TRMT9B: variants seen among roughly 807,000 people sequenced by gnomAD.
The protein encoded by TRMT9B is tRNA methyltransferase 9B (putative).
In TRMT9B, 16 loss-of-function variants were observed where a neutral mutation model predicts 11.5. The observed-to-expected ratio is 1.39, with a 90% confidence interval of 0.94 to 2.11. TRMT9B has a LOEUF of 2.11. Ranked by LOEUF, TRMT9B falls within the 30% of genes most tolerant of loss-of-function variation. The probability of loss-of-function intolerance (pLI) is 0.00; values close to 1 mark genes in which losing one functional copy is unlikely to be tolerated. For missense variants in TRMT9B, 941 were observed against 553.8 expected, an observed-to-expected ratio of 1.70 and a Z score of -7.02; for synonymous variants, 274 against 192.4, an observed-to-expected ratio of 1.42 and a Z score of -3.51.
intron 1 of TRMT9B, among the ~76,000 whole-genome samples, chr8:12,955,554 C>G (rs925361255): frequency 2.6e-5 from 4 of 152,134 alleles, no homozygotes; most frequent in African/African-American, 7.2e-5. Context: ...CAAGGTGCAG[C>G]CTATGAACTT....
intron 3 of TRMT9B, chr8:13,011,981 A>G (rs1811690780): frequency 1.0e-6 from 1 of 985,262 alleles, no homozygotes; most frequent in East Asian, 1.1e-4. Flanking sequence ...AGACAACAGG[A>G]GAATAAAAGC....
chr8:12,982,036 A>G (rs990412971), intron 1 of TRMT9B, among the ~76,000 whole-genome samples: 4 of 152,212 alleles, frequency 2.6e-5, no homozygotes, highest in African/African-American at 9.7e-5. Context: ...CTGTGAAATT[A>G]TGGTAATAGT....
In TRMT9B at chr8:13,025,895, A is replaced by C. The variant is rs1814631391; in HGVS notation, c.*3851A>C. 1 of 166,832 alleles carries C rather than the reference A, an allele frequency of 6.0e-6. No individual in the cohort carries two copies. The allele number at this position is 166,832 out of a possible 1,614,324, so 10.3% of individuals were successfully genotyped here. Reference sequence around the variant, plus strand: ...TCTTTTAAGTGACCATCAATTCAATAGGCAAAAATTTGGAGTAATCCAGAG... The same window carrying C: ...TCTTTTAAGTGACCATCAATTCAATCGGCAAAAATTTGGAGTAATCCAGAG... On this transcript the variant is annotated 3_prime_UTR_variant, in exon 5 of 5. Transcript: ENST00000524591.
In TRMT9B at chr8:13,022,236, A is replaced by G. The variant is rs1814081940; in HGVS notation, c.*192A>G. 1.9e-6 allele frequency: 1 copy of G among 527,274 alleles called. No homozygotes were observed. 32.7% of individuals were successfully genotyped at this position (527,274 alleles called of 1,614,324 possible). On this transcript the variant is annotated 3_prime_UTR_variant, in exon 5 of 5. Transcript: ENST00000524591. ...CAGATTCTGGCATTGAAAGCACTTG[A>G]CAAAGGGTATTTGTGCTTAAATGTT...
At chr8:13,004,871 A>G (rs1810142368) in intron 2 of TRMT9B, among the ~76,000 whole-genome samples, 1 of 152,006 alleles carries the variant, frequency 6.6e-6, no homozygotes, top group Admixed American at 6.6e-5. Flanking sequence ...GGGAGGGAAG[A>G]GTGGGAAGGG....
At chr8:13,016,500 A>C (rs11778800) in intron 4 of TRMT9B, among the ~76,000 whole-genome samples, 33,963 of 150,766 alleles carry the variant, frequency 0.23, 5,028 homozygotes, top group East Asian at 0.54. Context: ...TTATGTTGGC[A>C]CTTCCTGCTT....
intron 1 of TRMT9B, chr8:12,952,092 G>A (rs1563298971): frequency 2.4e-6 from 1 of 417,396 alleles, no homozygotes; most frequent in South Asian, 1.7e-5. Context: ...ACCTGGTGCA[G>A]CCCTCGGCTC....
intron 2 of TRMT9B, among the ~76,000 whole-genome samples, chr8:12,995,210 T>G (rs1808125301): frequency 6.6e-6 from 1 of 152,214 alleles, no homozygotes; most frequent in South Asian, 2.1e-4. Flanking sequence ...TTGGCATTAT[T>G]TTGGGTTTTA....
At chr8:12,982,100 T>C (rs564973191) in intron 1 of TRMT9B, among the ~76,000 whole-genome samples, 6 of 152,356 alleles carry the variant, frequency 3.9e-5, no homozygotes, top group South Asian at 4.1e-4. Flanking sequence ...TCTGTCTACA[T>C]ACCTCTCCAT....
At chr8:12,968,243 T>C (rs992768333) in intron 1 of TRMT9B, among the ~76,000 whole-genome samples, 10 of 152,228 alleles carry the variant, frequency 6.6e-5, no homozygotes, top group African/African-American at 2.2e-4. Flanking sequence ...CCCAAGGGAC[T>C]ATAAAGTTCT....
At chr8:13,011,599 T>G (rs1009721276) in intron 3 of TRMT9B, 8 of 952,268 alleles carry the variant, frequency 8.4e-6, no homozygotes, top group South Asian at 4.8e-5. Context: ...GTAGAAGGCT[T>G]TGTTTCAAGG....
At chr8:12,974,708 T>G (rs912683968) in intron 1 of TRMT9B, among the ~76,000 whole-genome samples, 1 of 152,244 alleles carries the variant, frequency 6.6e-6, no homozygotes, top group Non-Finnish European at 1.5e-5. Flanking sequence ...CTGCATTATT[T>G]GTAAAATAAA....
At chr8:12,982,610 C>T (rs1269540974) in intron 1 of TRMT9B, among the ~76,000 whole-genome samples, 5 of 151,232 alleles carry the variant, frequency 3.3e-5, no homozygotes, top group African/African-American at 1.2e-4. Flanking sequence ...TGCAGTGAGC[C>T]GAGATTGCGC....
Position 13,029,303 on chromosome 8 carries a change from G to T in TRMT9B, c.*7259G>T, listed in dbSNP as rs183441423. 6.0e-6 allele frequency: 1 copy of T among 167,082 alleles called. No individual in the cohort carries two copies. Among genetic ancestry groups the T allele is most frequent in the East Asian group, 1.9e-4 (1 of 5,190 alleles). 10.3% of individuals were successfully genotyped at this position (167,082 alleles called of 1,614,324 possible). ...AAGTGCAAAAACTTTTTTCTACAAT[G>T]TACAGTTATTTTGACTTTTCCCAGG... is the stretch of plus-strand genomic sequence containing the variant. On this transcript the variant is annotated 3_prime_UTR_variant, in exon 5 of 5. Coordinates refer to ENST00000524591, the MANE Select transcript of TRMT9B (RefSeq NM_020844.3).
Position 12,993,933 on chromosome 8 carries a change from T to G in TRMT9B, c.-2+2902T>G, listed in dbSNP as rs1239026784. Among the ~76,000 whole-genome samples, 4 of 152,332 alleles carry G rather than the reference T, an allele frequency of 2.6e-5. No individual in the cohort carries two copies. The East Asian group carries it at 7.7e-4, about 29-fold the overall frequency. On this transcript the variant is annotated intron_variant, in intron 2 of 4. Coordinates refer to ENST00000524591, the MANE Select transcript of TRMT9B (RefSeq NM_020844.3). ...AAAAGGAACTGCTGCAAACTAAACC[T>G]CGGGAAAGTTACAACTTGGGATGAG...
chr8:13,010,761 T>C, intron 3 of TRMT9B: 1 of 983,740 alleles, frequency 1.0e-6, no homozygotes. Flanking sequence ...AGCAAATGAA[T>C]TGCAAGGTTA....
rs796262194 is a variant in TRMT9B, at chr8:13,028,578, T to TC, written c.*6534_*6535insC. 5 of 123,114 alleles carry TC rather than the reference T, an allele frequency of 4.1e-5. No individual in the cohort carries two copies. Among genetic ancestry groups the TC allele is most frequent in the Non-Finnish European group, 5.4e-5 (3 of 55,532 alleles). 7.6% of individuals were successfully genotyped at this position (123,114 alleles called of 1,614,324 possible). On this transcript the variant is annotated 3_prime_UTR_variant, in exon 5 of 5. Transcript: ENST00000524591. ...AGCACTTTTCTCTTTTCTTTTCTTT[T>TC]TTTTTTTTTTTTTTTGAGACAGTGT... is the stretch of plus-strand genomic sequence containing the variant.
chr8:13,006,771 T>A, intron 3 of TRMT9B: 2 of 593,966 alleles, frequency 3.4e-6, no homozygotes, highest in Non-Finnish European at 2.4e-6. Context: ...CAGGTTCAAC[T>A]GATTCTCCTG....
chr8:12,992,080 G>C (rs1033908723), intron 2 of TRMT9B, among the ~76,000 whole-genome samples: 4 of 152,292 alleles, frequency 2.6e-5, no homozygotes, highest in Non-Finnish European at 5.9e-5. Flanking sequence ...GGACCAGCTT[G>C]TACAGAGTAA....
Sources: allele counts gnomAD v4.1 joint callset (sites outside exome capture counted in the v4.1 genomes callset), GRCh38; gene constraint gnomAD v4.1.1; transcripts MANE v1.5; gene names NCBI Gene and HGNC (gene_info 2026-07-23, HGNC 2026-07-21).